FAM151B: variants seen among roughly 807,000 people sequenced by gnomAD.
FAM151B encodes family with sequence similarity 151 member B.
A neutral mutation model predicts 31.2 loss-of-function variants in FAM151B; 24 were observed. That is an observed-to-expected ratio of 0.77 (90% CI 0.56 to 1.08). FAM151B has a LOEUF of 1.08. Among genes scored for constraint, FAM151B ranks in the 50% least tolerant of loss-of-function variants. The pLI, the probability that FAM151B is intolerant of heterozygous loss-of-function variation, is 0.00. For synonymous variants in FAM151B, 105 were observed against 111.4 expected (o/e 0.94, Z 0.36); for missense variants, 293 against 328.6 (o/e 0.89, Z 0.84).
intron 5 of FAM151B, among the ~76,000 whole-genome samples, chr5:80,533,873 T>C (rs370952982): frequency 6.6e-6 from 1 of 151,458 alleles, no homozygotes; most frequent in South Asian, 2.1e-4. Flanking sequence ...TTTAGCCAGA[T>C]TAAGAAAAAA....
chr5:80,500,653 G>A, intron 1 of FAM151B: 1 of 768,084 alleles, frequency 1.3e-6, no homozygotes, highest in Non-Finnish European at 2.4e-6. Context: ...TCCGAAAGGT[G>A]TTGCAGCTTC....
At chr5:80,512,949 G>A (rs1408879108) in intron 2 of FAM151B, among the ~76,000 whole-genome samples, 1 of 152,024 alleles carries the variant, frequency 6.6e-6, no homozygotes, top group Non-Finnish European at 1.5e-5. Flanking sequence ...TCGAGATTAT[G>A]GCATTTGGGG....
intron 2 of FAM151B, 141 bp from the exon 3 acceptor site, chr5:80,513,463 C>T (rs1029626483): frequency 1.4e-6 from 1 of 730,568 alleles, no homozygotes; most frequent in African/African-American, 1.8e-5. Context: ...TGTATACTGC[C>T]TGGCATGGGA....
Position 80,541,968 on chromosome 5 carries a change from T to C in FAM151B, c.*136T>C. 2 of 908,236 alleles carry C rather than the reference T, an allele frequency of 2.2e-6. No homozygotes were observed. Among genetic ancestry groups the C allele is most frequent in the Non-Finnish European group, 3.3e-6 (2 of 609,792 alleles). 56.3% of individuals were successfully genotyped at this position (908,236 alleles called of 1,614,324 possible). On this transcript the variant is annotated 3_prime_UTR_variant, in exon 6 of 6. Transcript: ENST00000282226. ...TAATCAAGAAACGTTTATTGTATGCTTACTCTGTGGGCATATGTCCTTATA... is the reference window on the plus strand; with the variant it reads ...TAATCAAGAAACGTTTATTGTATGCCTACTCTGTGGGCATATGTCCTTATA...
At chr5:80,539,744 G>A (rs1338184245) in intron 5 of FAM151B, among the ~76,000 whole-genome samples, 4 of 150,892 alleles carry the variant, frequency 2.7e-5, no homozygotes, top group Admixed American at 6.6e-5. Flanking sequence ...GGCCTGCCTC[G>A]GCCTCCCCAA....
Position 80,519,924 on chromosome 5 carries a change from T to A in FAM151B, c.535+14T>A, listed in dbSNP as rs1561372293. On this transcript the variant is annotated intron_variant, in intron 4 of 5. Transcript: ENST00000282226. The stretch of plus-strand genomic sequence containing the variant: ...AAGTCAATGAAGGTAATAATTCTAA[T>A]AATGTATTTCTTGGTCAAATTAAAA... 1 of 1,605,312 alleles carries A rather than the reference T, an allele frequency of 6.2e-7. No individual in the cohort carries two copies. The highest frequency in any genetic ancestry group is 1.7e-4 in the Middle Eastern group (1 of 6,030).
intron 2 of FAM151B, among the ~76,000 whole-genome samples, chr5:80,512,101 A>G (rs1264932257): frequency 6.6e-6 from 1 of 152,128 alleles, no homozygotes; most frequent in Admixed American, 6.5e-5. Context: ...GTGTGTAACC[A>G]TTGCGCTTAT....
At chr5:80,530,965 C>T (rs1306314340) in intron 5 of FAM151B, among the ~76,000 whole-genome samples, 1 of 152,172 alleles carries the variant, frequency 6.6e-6, no homozygotes, top group Non-Finnish European at 1.5e-5. Context: ...CTGGAGGCAT[C>T]ATGCTACCTG....
At chr5:80,533,193 T>C (rs959866309) in intron 5 of FAM151B, among the ~76,000 whole-genome samples, 1 of 150,348 alleles carries the variant, frequency 6.7e-6, no homozygotes, top group Admixed American at 6.7e-5. Flanking sequence ...CTGGCTAACA[T>C]AGTGAAACCC....
At chr5:80,525,476 C>A (rs1744916338) in intron 5 of FAM151B, among the ~76,000 whole-genome samples, 1 of 152,114 alleles carries the variant, frequency 6.6e-6, no homozygotes, top group Non-Finnish European at 1.5e-5. Flanking sequence ...AAAGAACAGG[C>A]TAAGTGTTTT....
intron 1 of FAM151B, among the ~76,000 whole-genome samples, chr5:80,495,612 T>C (rs2112598007): frequency 6.6e-6 from 1 of 152,090 alleles, no homozygotes; most frequent in Non-Finnish European, 1.5e-5. Flanking sequence ...AGGCGGATCA[T>C]GAGGTCAGGA....
At chr5:80,498,595 A>C in intron 1 of FAM151B, 1 of 1,047,478 alleles carries the variant, frequency 9.5e-7, no homozygotes, top group Non-Finnish European at 1.5e-6. Flanking sequence ...TGTCTGTCAA[A>C]GTAGCTTGCC....
chr5:80,533,440 G>C (rs1419062506), intron 5 of FAM151B, among the ~76,000 whole-genome samples: 1 of 150,612 alleles, frequency 6.6e-6, no homozygotes, highest in South Asian at 2.1e-4. Context: ...CCCAAAATTA[G>C]TAGAAGAAAA....
intron 1 of FAM151B, among the ~76,000 whole-genome samples, chr5:80,491,531 T>G (rs1311498536): frequency 6.6e-5 from 10 of 152,204 alleles, no homozygotes. Flanking sequence ...AATTACTAAC[T>G]ATAGTCACCA....
chr5:80,539,215 A>G (rs1423451930), intron 5 of FAM151B, among the ~76,000 whole-genome samples: 3 of 151,134 alleles, frequency 2.0e-5, no homozygotes, highest in Admixed American at 6.6e-5. Flanking sequence ...GTCATTTCCA[A>G]CTCTTAAGAT....
chr5:80,501,747 C>T (rs1331449475), intron 1 of FAM151B, 45 bp from the exon 2 acceptor site: 1 of 1,479,060 alleles, frequency 6.8e-7, no homozygotes, highest in Non-Finnish European at 9.2e-7. Context: ...AAATTTTACC[C>T]TATAAAAAAC....
chr5:80,524,198 A>G (rs1744848797), intron 5 of FAM151B, among the ~76,000 whole-genome samples: 1 of 152,150 alleles, frequency 6.6e-6, no homozygotes, highest in Admixed American at 6.6e-5. Flanking sequence ...TGGAGACATA[A>G]TACTCAGATA....
At chr5:80,503,699 T>C (rs1345555354) in intron 2 of FAM151B, among the ~76,000 whole-genome samples, 1 of 152,174 alleles carries the variant, frequency 6.6e-6, no homozygotes, top group East Asian at 1.9e-4. Flanking sequence ...ATTTGTATAA[T>C]AATAGTATAT....
At chr5:80,502,937 T>A (rs1328623532) in intron 2 of FAM151B, among the ~76,000 whole-genome samples, 1 of 152,194 alleles carries the variant, frequency 6.6e-6, no homozygotes, top group Admixed American at 6.5e-5. Flanking sequence ...TTAGCAAAAT[T>A]GATGCCTCAG....
Sources: allele counts gnomAD v4.1 joint callset (sites outside exome capture counted in the v4.1 genomes callset), GRCh38; gene constraint gnomAD v4.1.1; transcripts MANE v1.5; gene names NCBI Gene and HGNC (gene_info 2026-07-23, HGNC 2026-07-21).